The following ELOVL6 variants were observed in gnomAD, a reference collection of about 807,000 sequenced individuals.
ELOVL6 encodes ELOVL fatty acid elongase 6.
In ELOVL6, 8 loss-of-function variants were observed where a neutral mutation model predicts 31.7. The observed-to-expected ratio is 0.25, with a 90% confidence interval of 0.15 to 0.45. ELOVL6 has a LOEUF of 0.45. Among genes scored for constraint, ELOVL6 ranks in the 20% least tolerant of loss-of-function variants. The pLI, the probability that ELOVL6 is intolerant of heterozygous loss-of-function variation, is 1.00. For synonymous variants in ELOVL6, 101 were observed against 117.7 expected (o/e 0.86, Z 0.92); for missense variants, 126 against 326.4 (o/e 0.39, Z 4.73).
At chr4:110,076,186 T>C (rs1755619877) in intron 2 of ELOVL6, among the ~76,000 whole-genome samples, 1 of 152,234 alleles carries the variant, frequency 6.6e-6, no homozygotes, top group South Asian at 2.1e-4. Flanking sequence ...CTTGAATCTA[T>C]AAATTGAATC....
intron 2 of ELOVL6, among the ~76,000 whole-genome samples, chr4:110,087,041 C>A (rs1435065078): frequency 6.6e-6 from 1 of 152,020 alleles, no homozygotes; most frequent in Non-Finnish European, 1.5e-5. Context: ...AGGGAAACAC[C>A]TGTCACTGTT....
chr4:110,069,228 C>G (rs922659947), intron 2 of ELOVL6, among the ~76,000 whole-genome samples: 2 of 151,416 alleles, frequency 1.3e-5, no homozygotes, highest in African/African-American at 4.9e-5. Context: ...AAACAGAACA[C>G]CTGGTTATAG....
intron 1 of ELOVL6, among the ~76,000 whole-genome samples, chr4:110,150,809 G>A (rs1382905015): frequency 1.3e-5 from 2 of 152,110 alleles, no homozygotes; most frequent in Admixed American, 6.5e-5. Flanking sequence ...TTGGGAAGCC[G>A]AGGTGGACGG....
At chr4:110,199,153 A>T (rs917873076), upstream of ELOVL6, 4 of 146,734 alleles carry the variant, frequency 2.7e-5, no homozygotes, top group African/African-American at 1.0e-4. Flanking sequence ...GGGGATGCTG[A>T]GTGTGAGGAT....
chr4:110,102,975 GC>G (rs1756793859), intron 2 of ELOVL6, among the ~76,000 whole-genome samples: 1 of 152,052 alleles, frequency 6.6e-6, no homozygotes, highest in South Asian at 2.1e-4. Flanking sequence ...AATCATAGGG[GC>G]TGGTCTTTCC....
At chr4:110,108,331 C>G (rs1267327602) in intron 1 of ELOVL6, among the ~76,000 whole-genome samples, 4 of 152,138 alleles carry the variant, frequency 2.6e-5, no homozygotes, top group Non-Finnish European at 2.9e-5. Flanking sequence ...TATCTTCATA[C>G]AATCCTATCA....
Position 110,093,748 on chromosome 4 carries a change from T to C in ELOVL6, c.221+11749A>G, listed in dbSNP as rs150827682. On this transcript the variant is annotated intron_variant, in intron 2 of 3. Transcript: ENST00000302274. ...CAAAAATCACTGCCCTCATGGAACATAGAGTGCAGTGGGACGAGACAGATA... is the reference window on the plus strand; with the variant it reads ...CAAAAATCACTGCCCTCATGGAACACAGAGTGCAGTGGGACGAGACAGATA... Among the ~76,000 whole-genome samples the C allele has an allele frequency of 2.2e-4, 34 of 152,058 alleles. No homozygotes were observed. In the East Asian group the frequency reaches 6.0e-3, roughly 27 times the overall value.
At chr4:110,057,156 C>T (rs1320819708) in intron 3 of ELOVL6, among the ~76,000 whole-genome samples, 1 of 152,154 alleles carries the variant, frequency 6.6e-6, no homozygotes, top group Non-Finnish European at 1.5e-5. Context: ...ACCTCAAATA[C>T]AGCTGTATAT....
intron 2 of ELOVL6, among the ~76,000 whole-genome samples, chr4:110,102,404 G>A (rs767500038): frequency 4.2e-4 from 64 of 152,132 alleles, no homozygotes; most frequent in South Asian, 2.1e-4. Context: ...TTTTTGACCC[G>A]AGAGGAAGGA....
intron 2 of ELOVL6, among the ~76,000 whole-genome samples, chr4:110,084,553 C>CAGATATATATTTTT (rs1560815725): frequency 1.7e-4 from 10 of 57,934 alleles, no homozygotes; most frequent in African/African-American, 9.3e-4. Flanking sequence ...CACACACACA[C>CAGATATATATTTTT]ACACACACAG....
intron 2 of ELOVL6, among the ~76,000 whole-genome samples, chr4:110,082,469 T>C (rs1755891009): frequency 6.6e-6 from 1 of 151,832 alleles, no homozygotes; most frequent in African/African-American, 2.4e-5. Flanking sequence ...CTGGAAACCA[T>C]CATTCTCAGC....
At chr4:110,122,111 T>C (rs560717032) in intron 1 of ELOVL6, among the ~76,000 whole-genome samples, 3 of 152,296 alleles carry the variant, frequency 2.0e-5, no homozygotes, top group South Asian at 4.1e-4. Flanking sequence ...TTTCCAGCTG[T>C]CCAAAAGGAC....
At chr4:110,084,633 C>T (rs796651434) in intron 2 of ELOVL6, among the ~76,000 whole-genome samples, 14 of 114,868 alleles carry the variant, frequency 1.2e-4, no homozygotes, top group East Asian at 2.8e-4. Context: ...CTTGCTCTGT[C>T]GCCCAGACTG....
chr4:110,169,120 C>G (rs1363631535), intron 1 of ELOVL6, among the ~76,000 whole-genome samples: 4 of 152,026 alleles, frequency 2.6e-5, no homozygotes, highest in Non-Finnish European at 5.9e-5. Context: ...TGCCACCACA[C>G]CTGGCTAATT....
chr4:110,084,426 C>T lies in ELOVL6; in HGVS notation c.221+21071G>A, dbSNP rs1396187337. Among the ~76,000 whole-genome samples the T allele has an allele frequency of 2.2e-3, 150 of 67,512 alleles. 21 individuals are homozygous for T. Among genetic ancestry groups the T allele is most frequent in the African/African-American group, 7.6e-3 (140 of 18,350 alleles). The allele number at this position is 67,512 out of a possible 152,430, so 44.3% of individuals were successfully genotyped here. A position where few individuals can be genotyped will look rare whatever the true frequency, so the allele number is the denominator to read the frequency against. Reference sequence around the variant, plus strand: ...GATATATGACATACATGATATATCACATATATCATATATGATATATCGCAT... The same window carrying T: ...GATATATGACATACATGATATATCATATATATCATATATGATATATCGCAT... On this transcript the variant is annotated intron_variant, in intron 2 of 3. Coordinates refer to ENST00000302274, the MANE Select transcript of ELOVL6 (RefSeq NM_024090.3).
chr4:110,184,919 G>C (rs1759394643), intron 1 of ELOVL6, among the ~76,000 whole-genome samples: 1 of 152,180 alleles, frequency 6.6e-6, no homozygotes. Flanking sequence ...CAAGTGGGAA[G>C]GTTTTTCACA....
At chr4:110,128,554 G>A (rs993130794) in intron 1 of ELOVL6, among the ~76,000 whole-genome samples, 3 of 152,120 alleles carry the variant, frequency 2.0e-5, no homozygotes, top group Admixed American at 1.3e-4. Flanking sequence ...TGGGCAGTGC[G>A]GTTACAGGAA....
intron 1 of ELOVL6, among the ~76,000 whole-genome samples, chr4:110,148,182 T>G (rs1758180591): frequency 6.6e-6 from 1 of 151,512 alleles, no homozygotes; most frequent in Admixed American, 6.6e-5. Context: ...CAGACATTTT[T>G]CAAAAGACAA....
intron 2 of ELOVL6, among the ~76,000 whole-genome samples, chr4:110,082,597 G>C (rs1370254929): frequency 6.6e-6 from 1 of 151,870 alleles, no homozygotes; most frequent in Non-Finnish European, 1.5e-5. Flanking sequence ...CCTGTTGTGG[G>C]GTGGGGGTAG....
Sources: allele counts gnomAD v4.1 joint callset (sites outside exome capture counted in the v4.1 genomes callset), GRCh38; gene constraint gnomAD v4.1.1; transcripts MANE v1.5; gene names NCBI Gene and HGNC (gene_info 2026-07-23, HGNC 2026-07-21).